WASF3: variants seen among roughly 807,000 people sequenced by gnomAD.
The protein encoded by WASF3 is actin-binding protein WASF3.
Under a neutral mutation model 46.6 loss-of-function variants are expected in WASF3, and 11 were observed. The observed-to-expected ratio is 0.24, with a 90% CI of 0.15 to 0.39. The LOEUF is 0.39. WASF3 is among the 10% of genes least tolerant of loss of function. The probability of loss-of-function intolerance (pLI) is 1.00; values close to 1 mark genes in which losing one functional copy is unlikely to be tolerated. For synonymous variants in WASF3, 242 were observed against 259.7 expected, an observed-to-expected ratio of 0.93 and a Z score of 0.65; for missense variants, 576 against 669.8, an observed-to-expected ratio of 0.86 and a Z score of 1.55.
At chr13:26,671,698 A>G (rs540896545) in intron 5 of WASF3, among the ~76,000 whole-genome samples, 174 bp from the exon 6 acceptor site, 1 of 152,298 alleles carries the variant, frequency 6.6e-6, no homozygotes, top group Non-Finnish European at 1.5e-5. Context: ...TTGCTATTTT[A>G]TGTTTTCACA....
At chr13:26,612,081 G>C (rs1880998364) in intron 1 of WASF3, among the ~76,000 whole-genome samples, 1 of 152,100 alleles carries the variant, frequency 6.6e-6, no homozygotes, top group Non-Finnish European at 1.5e-5. Context: ...CCACTTCTGG[G>C]CCGCTGTTCT....
intron 7 of WASF3, 49 bp from the exon 8 acceptor site, chr13:26,681,005 A>G (rs764697226): frequency 1.5e-5 from 23 of 1,563,592 alleles, no homozygotes; most frequent in African/African-American, 2.7e-5. Flanking sequence ...TTAGCCGACA[A>G]TTTTTAAATT....
At chr13:26,577,024 A>G (rs1879818585) in intron 1 of WASF3, 5 of 717,302 alleles carry the variant, frequency 7.0e-6, no homozygotes, top group Non-Finnish European at 1.3e-5. Context: ...TATTGGAAAG[A>G]TGCTAGTCAC....
chr13:26,574,961 G>T (rs538837698), intron 1 of WASF3, among the ~76,000 whole-genome samples: 1 of 151,512 alleles, frequency 6.6e-6, no homozygotes, highest in South Asian at 2.1e-4. Flanking sequence ...CTCAGCCTCT[G>T]GAGTAGCTGG....
intron 1 of WASF3, among the ~76,000 whole-genome samples, chr13:26,591,422 A>G (rs1040303162): frequency 6.6e-6 from 1 of 152,030 alleles, no homozygotes; most frequent in Admixed American, 6.6e-5. Flanking sequence ...AGGTGGGGGA[A>G]GCAGTAGGAT....
At chr13:26,540,856 G>A in the WASF3 span, among the ~76,000 whole-genome samples, 1 of 152,142 alleles carries the variant, frequency 6.6e-6, no homozygotes, top group East Asian at 1.9e-4. Flanking sequence ...TATAGATAAA[G>A]GTTGGTTGAC....
intron 5 of WASF3, among the ~76,000 whole-genome samples, chr13:26,668,450 T>G (rs1429833597): frequency 1.3e-5 from 2 of 152,210 alleles, no homozygotes; most frequent in African/African-American, 4.8e-5. Context: ...CAGGCTGTGG[T>G]GACCAGTGGT....
At chr13:26,577,368 G>T in intron 1 of WASF3, 2 of 767,276 alleles carry the variant, frequency 2.6e-6, no homozygotes, top group South Asian at 2.7e-5. Context: ...CAACAGGTCC[G>T]CCAAATCCGG....
intron 2 of WASF3, among the ~76,000 whole-genome samples, chr13:26,614,097 T>C (rs894996811): frequency 6.6e-6 from 1 of 152,138 alleles, no homozygotes; most frequent in Admixed American, 6.5e-5. Flanking sequence ...TTTGGAAGGA[T>C]AGGGAGAGAA....
At chr13:26,568,211 T>C (rs184437233) in intron 1 of WASF3, among the ~76,000 whole-genome samples, 22 of 152,184 alleles carry the variant, frequency 1.4e-4, no homozygotes, top group Admixed American at 1.4e-3. Flanking sequence ...TAAGTTAGAT[T>C]GTAAGAGGAT....
chr13:26,555,030 C>T (rs1162313002), upstream of WASF3, among the ~76,000 whole-genome samples: 2 of 152,120 alleles, frequency 1.3e-5, no homozygotes, highest in Non-Finnish European at 2.9e-5. Context: ...TGTTTTGTAT[C>T]CTTGCCAGTA....
At chr13:26,592,525 G>C (rs886880329) in intron 1 of WASF3, among the ~76,000 whole-genome samples, 1 of 152,062 alleles carries the variant, frequency 6.6e-6, no homozygotes, top group African/African-American at 2.4e-5. Flanking sequence ...TTTGTCCTCA[G>C]ATGGCCTTTC....
At chr13:26,614,426 G>A (rs7331342) in intron 2 of WASF3, among the ~76,000 whole-genome samples, 75,261 of 151,976 alleles carry the variant, frequency 0.5, 18,858 homozygotes, top group East Asian at 0.62. Context: ...TTAAAGAGGA[G>A]CTTACAAGGC....
rs577367368 is a variant in WASF3 at position 26,576,859 on chromosome 13, C to T, written c.-109+19040C>T. 510 of 622,014 alleles carry T rather than the reference C, an allele frequency of 8.2e-4. 1 individual carries two copies. The highest frequency in any genetic ancestry group is 1.1e-3 in the Non-Finnish European group (386 of 364,588). The allele number at this position is 622,014 out of a possible 1,614,324, so 38.5% of individuals were successfully genotyped here. A position where few individuals can be genotyped will look rare whatever the true frequency, so the allele number is the denominator to read the frequency against. On this transcript the variant is annotated intron_variant, in intron 1 of 9. Transcript: ENST00000335327. ...CGTAACTATAGTATAATATCAAAAC[C>T]GCCCTTTTGGCTCTCTGAGCAGCAC...
At chr13:26,565,812 G>A (rs1034940641) in intron 1 of WASF3, among the ~76,000 whole-genome samples, 4 of 152,330 alleles carry the variant, frequency 2.6e-5, no homozygotes, top group Admixed American at 2.0e-4. Flanking sequence ...CAATGAAAAT[G>A]AACTTGATGC....
At position 26,687,917 on chromosome 13, in the gene WASF3, C is replaced by G. The variant is rs985882049; in HGVS notation, c.*2072C>G. ...CCTTCTGTTCTCAGGATGGAGAGAA[C>G]ACAGAAGCTACTATCCATGTCAGGA... is the stretch of plus-strand genomic sequence containing the variant. On this transcript the variant is annotated 3_prime_UTR_variant, in exon 10 of 10. Coordinates refer to ENST00000335327, the MANE Select transcript of WASF3 (RefSeq NM_006646.6). The G allele has an allele frequency of 1.3e-5, 2 of 151,992 alleles. No individual in the cohort carries two copies. The highest frequency in any genetic ancestry group is 3.9e-4 in the East Asian group (2 of 5,190). The allele number at this position is 151,992 out of a possible 1,614,324, so 9.4% of individuals were successfully genotyped here.
intron 1 of WASF3, among the ~76,000 whole-genome samples, chr13:26,579,097 T>C (rs924137049): frequency 7.1e-6 from 1 of 141,692 alleles, no homozygotes; most frequent in Non-Finnish European, 1.5e-5. Context: ...AACTCCGGGC[T>C]CAGGTGAGCC....
At chr13:26,649,964 G>A (rs978336743) in intron 3 of WASF3, among the ~76,000 whole-genome samples, 7 of 152,000 alleles carry the variant, frequency 4.6e-5, no homozygotes, top group African/African-American at 1.2e-4. Flanking sequence ...CCAGCTACTC[G>A]GGGGGAGAGG....
Position 26,688,307 on chromosome 13 carries a change from A to G in WASF3, c.*2462A>G, listed in dbSNP as rs887427593. On this transcript the variant is annotated 3_prime_UTR_variant, in exon 10 of 10. Coordinates refer to ENST00000335327, the MANE Select transcript of WASF3 (RefSeq NM_006646.6). ...AAAACAAATGGAGAAGAAACATCCA[A>G]AAGCACATTTCATTTCTCCAAACTT... The G allele has an allele frequency of 6.6e-6, 1 of 152,236 alleles. No homozygotes were observed. Among genetic ancestry groups the G allele is most frequent in the African/African-American group, 2.4e-5 (1 of 41,460 alleles). 9.4% of individuals were successfully genotyped at this position (152,236 alleles called of 1,614,324 possible). A position where few individuals can be genotyped will look rare whatever the true frequency, so the allele number is the denominator to read the frequency against.
Sources: allele counts gnomAD v4.1 joint callset (sites outside exome capture counted in the v4.1 genomes callset), GRCh38; gene constraint gnomAD v4.1.1; transcripts MANE v1.5; gene names NCBI Gene and HGNC (gene_info 2026-07-23, HGNC 2026-07-21).